The following DESI2 variants were observed in gnomAD, a reference collection of about 807,000 sequenced individuals.
DESI2 encodes deubiquitinase DESI2.
DESI2 carries 10 observed loss-of-function variants against 24.1 expected under a neutral mutation model. The observed-to-expected ratio is 0.41, with a 90% CI of 0.26 to 0.70. The LOEUF is 0.70. Ranked by LOEUF, DESI2 falls within the 30% of genes least tolerant of loss-of-function variation. The pLI, the probability that DESI2 is intolerant of heterozygous loss-of-function variation, is 0.29. For synonymous variants in DESI2, 71 were observed against 87.7 expected (o/e 0.81, Z 1.06); for missense variants, 122 against 234.9 (o/e 0.52, Z 3.14).
intron 4 of DESI2, 122 bp downstream of exon 4, chr1:244,692,142 T>C (rs938257199): frequency 1.1e-5 from 9 of 854,288 alleles, no homozygotes; most frequent in Non-Finnish European, 1.4e-5. Flanking sequence ...GTATGAAATA[T>C]GGTATTGTAT....
intron 4 of DESI2, among the ~76,000 whole-genome samples, chr1:244,693,561 A>G (rs1677103448): frequency 6.6e-6 from 1 of 151,970 alleles, no homozygotes; most frequent in South Asian, 2.1e-4. Flanking sequence ...CCTCCCGAGT[A>G]GCTGGGACTA....
chr1:244,660,355 G>A (rs1573177577), intron 1 of DESI2, among the ~76,000 whole-genome samples: 1 of 152,068 alleles, frequency 6.6e-6, no homozygotes, highest in African/African-American at 2.4e-5. Flanking sequence ...TTTAGTAGAG[G>A]CAGGGTTTCA....
At chr1:244,686,804 A>G (rs1676841637) in intron 2 of DESI2, 135 bp downstream of exon 2, 1 of 562,010 alleles carries the variant, frequency 1.8e-6, no homozygotes, top group South Asian at 2.6e-5. Context: ...AAATCTCCCC[A>G]TATTCATTTA....
chr1:244,690,627 C>T (rs918623928), intron 3 of DESI2, among the ~76,000 whole-genome samples: 1 of 151,648 alleles, frequency 6.6e-6, no homozygotes, highest in Non-Finnish European at 1.5e-5. Context: ...ATTGCTTGAA[C>T]CTGGGAGGCA....
rs567443237 is a variant in DESI2, at chr1:244,664,259, G to A, written c.42+10904G>A. ...GGTGAGAGAGAAGAGGTAAAAGCTT[G>A]TAGCAGCCCTATATAGAAGGACGTG... On this transcript the variant is annotated intron_variant, in intron 1 of 4. Coordinates refer to ENST00000302550, the MANE Select transcript of DESI2 (RefSeq NM_016076.5). Among the ~76,000 whole-genome samples, 77 of 152,296 alleles carry A rather than the reference G, an allele frequency of 5.1e-4. No homozygotes were observed. In the South Asian group the frequency reaches 8.5e-3, roughly 17 times the overall value.
chr1:244,701,872 G>A (rs1677478968), intron 4 of DESI2, among the ~76,000 whole-genome samples: 1 of 152,044 alleles, frequency 6.6e-6, no homozygotes, highest in African/African-American at 2.4e-5. Context: ...ACCTGTTAAT[G>A]GCACTTGGTT....
intron 1 of DESI2, among the ~76,000 whole-genome samples, chr1:244,657,995 A>G (rs528266440): frequency 8.5e-5 from 13 of 152,264 alleles, no homozygotes; most frequent in African/African-American, 3.1e-4. Context: ...AAAGTTGGAA[A>G]TGGCAGTTTG....
chr1:244,702,683 C>T (rs1163627409), intron 4 of DESI2, among the ~76,000 whole-genome samples: 1 of 152,150 alleles, frequency 6.6e-6, no homozygotes, highest in Non-Finnish European at 1.5e-5. Context: ...ATAGACACGG[C>T]TGTGTTTCAG....
At chr1:244,654,368 G>A (rs190894782) in intron 1 of DESI2, among the ~76,000 whole-genome samples, 21 of 152,316 alleles carry the variant, frequency 1.4e-4, no homozygotes, top group South Asian at 4.1e-4. Context: ...CAGGAGAGCA[G>A]AAATACTACA....
chr1:244,694,515 A>G, intron 4 of DESI2: 3 of 774,072 alleles, frequency 3.9e-6, no homozygotes, highest in Non-Finnish European at 7.1e-6. Context: ...TCTGCGGTCT[A>G]CAATTTTTAG....
At chr1:244,669,686 GAAAA>G (rs1437232483) in intron 1 of DESI2, among the ~76,000 whole-genome samples, 2 of 151,860 alleles carry the variant, frequency 1.3e-5, no homozygotes, top group African/African-American at 4.8e-5. Flanking sequence ...CTCAAAAAAA[GAAAA>G]AAAGAAACTA....
chr1:244,686,266 A>ATGTGTGTG (rs71574695), intron 1 of DESI2, among the ~76,000 whole-genome samples: 5 of 145,408 alleles, frequency 3.4e-5, no homozygotes, highest in African/African-American at 1.3e-4. Flanking sequence ...GTGTGTGTGT[A>ATGTGTGTG]TGTGTGTGTG....
intron 4 of DESI2, among the ~76,000 whole-genome samples, chr1:244,697,336 C>T (rs150402533): frequency 0.011 from 1,697 of 152,006 alleles, 34 homozygotes; most frequent in African/African-American, 0.039. Context: ...GGTGAAACCC[C>T]GTCTCTACCA....
chr1:244,692,148 T>C, intron 4 of DESI2, 128 bp downstream of exon 4: 3 of 810,738 alleles, frequency 3.7e-6, no homozygotes, highest in Non-Finnish European at 5.7e-6. Context: ...AATATGGTAT[T>C]GTATTTCAAT....
At chr1:244,661,569 C>G (rs1254221191) in intron 1 of DESI2, among the ~76,000 whole-genome samples, 1 of 152,056 alleles carries the variant, frequency 6.6e-6, no homozygotes, top group Non-Finnish European at 1.5e-5. Context: ...CTCCCCCCAC[C>G]CCACCACAGG....
intron 4 of DESI2, chr1:244,694,702 A>G: frequency 1.4e-6 from 1 of 726,108 alleles, no homozygotes. Context: ...TTTCCAAACG[A>G]TGATGTTGCC....
chr1:244,694,489 G>A (rs898038883), intron 4 of DESI2: 11 of 780,612 alleles, frequency 1.4e-5, no homozygotes, highest in African/African-American at 5.1e-5. Context: ...GTTCCTTCAC[G>A]GAATCTGTGC....
intron 1 of DESI2, among the ~76,000 whole-genome samples, chr1:244,671,287 G>T (rs1292085032): frequency 6.6e-6 from 1 of 152,158 alleles, no homozygotes; most frequent in Admixed American, 6.5e-5. Context: ...CACTGGGTAA[G>T]CTTGAATATA....
intron 1 of DESI2, among the ~76,000 whole-genome samples, chr1:244,657,774 A>G (rs569468800): frequency 3.9e-5 from 6 of 152,254 alleles, no homozygotes; most frequent in Non-Finnish European, 7.3e-5. Context: ...TAGTATCCTC[A>G]GTCAGCAGTA....
Sources: allele counts gnomAD v4.1 joint callset (sites outside exome capture counted in the v4.1 genomes callset), GRCh38; gene constraint gnomAD v4.1.1; transcripts MANE v1.5; gene names NCBI Gene and HGNC (gene_info 2026-07-23, HGNC 2026-07-21).